Variants in MACROD2 observed in about 807,000 individuals in gnomAD.
MACROD2 encodes the protein ADP-ribose glycohydrolase MACROD2.
A neutral mutation model predicts 70.4 loss-of-function variants in MACROD2; 36 were observed. That is an observed-to-expected ratio of 0.51 (90% confidence interval 0.39 to 0.68). The LOEUF (loss-of-function observed/expected upper bound fraction) is 0.68, where lower values mean the gene tolerates loss of function less well. Ranked by LOEUF, MACROD2 falls within the 30% of genes least tolerant of loss-of-function variation. The probability of loss-of-function intolerance (pLI) is 0.00; values close to 1 mark genes in which losing one functional copy is unlikely to be tolerated. For synonymous variants in MACROD2, 172 were observed against 178.8 expected, an observed-to-expected ratio of 0.96 and a Z score of 0.30; for missense variants, 496 against 538.4, an observed-to-expected ratio of 0.92 and a Z score of 0.78.
chr20:15,253,950 C>A (rs1401552484), intron 6 of MACROD2, among the ~76,000 whole-genome samples: 1 of 152,118 alleles, frequency 6.6e-6, no homozygotes, highest in Non-Finnish European at 1.5e-5. Context: ...GTAACCTTAT[C>A]TTCAAATTTT....
chr20:14,550,947 G>A (rs1407408916), intron 4 of MACROD2, among the ~76,000 whole-genome samples: 1 of 151,798 alleles, frequency 6.6e-6, no homozygotes, highest in Non-Finnish European at 1.5e-5. Context: ...AATGAAGACA[G>A]TAACTAATTG....
chr20:15,559,347 A>C (rs949987068), intron 8 of MACROD2, among the ~76,000 whole-genome samples: 29 of 152,160 alleles, frequency 1.9e-4, no homozygotes, highest in Admixed American at 3.9e-4. Flanking sequence ...AAGAATAGTC[A>C]TGATTAAATC....
chr20:15,886,549 G>A (rs2064825052), intron 10 of MACROD2, among the ~76,000 whole-genome samples: 1 of 152,090 alleles, frequency 6.6e-6, no homozygotes, highest in Non-Finnish European at 1.5e-5. Flanking sequence ...GCCATCTTTG[G>A]AAAATACACT....
intron 7 of MACROD2, among the ~76,000 whole-genome samples, chr20:15,457,932 C>G (rs2046750369): frequency 1.4e-5 from 2 of 140,068 alleles, no homozygotes; most frequent in Non-Finnish European, 3.1e-5. Context: ...CAGGGTTGTT[C>G]TTTCTGCACC....
chr20:14,112,159 A>G (rs2054459188), intron 3 of MACROD2, among the ~76,000 whole-genome samples: 1 of 151,974 alleles, frequency 6.6e-6, no homozygotes. Flanking sequence ...TCAAAAAATC[A>G]AAACAATTGA....
At chr20:14,280,966 T>TA (rs1407907136) in intron 3 of MACROD2, among the ~76,000 whole-genome samples, 5 of 152,226 alleles carry the variant, frequency 3.3e-5, no homozygotes, top group African/African-American at 1.2e-4. Context: ...AGGAAACTTT[T>TA]ATACTTTAAA....
At chr20:15,771,180 G>GT (rs952599344) in intron 8 of MACROD2, among the ~76,000 whole-genome samples, 13 of 151,828 alleles carry the variant, frequency 8.6e-5, no homozygotes, top group Non-Finnish European at 1.8e-4. Context: ...TCTTGTGTTT[G>GT]TTTTTTTCTT....
chr20:14,395,300 G>C (rs1480655838), intron 3 of MACROD2, among the ~76,000 whole-genome samples: 3 of 151,994 alleles, frequency 2.0e-5, no homozygotes, highest in Non-Finnish European at 2.9e-5. Context: ...AGGGCTATTT[G>C]TATTTTTTGA....
intron 5 of MACROD2, among the ~76,000 whole-genome samples, chr20:14,986,563 A>G (rs2074850496): frequency 3.3e-5 from 5 of 152,198 alleles, no homozygotes; most frequent in Admixed American, 3.3e-4. Flanking sequence ...TAGGTAAATA[A>G]GCAGATCTGT....
Position 15,191,931 on chromosome 20 carries a change from T to TATATAG in MACROD2, c.419-38008_419-38007insTATAGA, listed in dbSNP as rs150210305. Among the ~76,000 whole-genome samples the TATATAG allele has an allele frequency of 3.0e-4, 43 of 142,374 alleles. 1 individual carries two copies. Among genetic ancestry groups the TATATAG allele is most frequent in the Non-Finnish European group, 3.7e-4 (24 of 65,538 alleles). The allele number at this position is 142,374 out of a possible 152,430, so 93.4% of individuals were successfully genotyped here. ...ACACATATGTGTATATATATATATA[T>TATATAG]AGAGAGAGAGAGAGTTAATACATAT... On this transcript the variant is annotated intron_variant, in intron 5 of 17. Transcript: ENST00000684519.
chr20:15,598,393 A>T (rs1277911631), intron 8 of MACROD2, among the ~76,000 whole-genome samples: 6 of 152,090 alleles, frequency 3.9e-5, no homozygotes. Flanking sequence ...ATGATGGGAG[A>T]CAAAATTAAG....
intron 6 of MACROD2, among the ~76,000 whole-genome samples, chr20:15,426,723 G>A (rs957477108): frequency 2.0e-5 from 3 of 152,044 alleles, no homozygotes; most frequent in Non-Finnish European, 4.4e-5. Context: ...GAATCTGGAG[G>A]CTCACAAATT....
chr20:15,976,624 T>G (rs1014404668), intron 13 of MACROD2, among the ~76,000 whole-genome samples: 1 of 152,228 alleles, frequency 6.6e-6, no homozygotes, highest in Non-Finnish European at 1.5e-5. Flanking sequence ...CTGGGTGCGG[T>G]GCAAGGCAGT....
At chr20:15,299,961 G>A (rs577316239) in intron 6 of MACROD2, among the ~76,000 whole-genome samples, 5 of 152,256 alleles carry the variant, frequency 3.3e-5, no homozygotes, top group African/African-American at 1.2e-4. Flanking sequence ...CTTTTCTTTG[G>A]ACAGGTCTTA....
intron 10 of MACROD2, among the ~76,000 whole-genome samples, chr20:15,904,475 T>C (rs942409636): frequency 1.3e-5 from 2 of 152,202 alleles, no homozygotes; most frequent in African/African-American, 4.8e-5. Flanking sequence ...ACTATGTTTC[T>C]CCCCATAAAA....
chr20:14,086,981 T>C (rs2054084151), intron 3 of MACROD2, among the ~76,000 whole-genome samples: 1 of 152,176 alleles, frequency 6.6e-6, no homozygotes. Context: ...GGAAAGTGCA[T>C]TGGCAGGTGA....
At chr20:15,024,764 A>C (rs1436002972) in intron 5 of MACROD2, among the ~76,000 whole-genome samples, 1 of 152,194 alleles carries the variant, frequency 6.6e-6, no homozygotes, top group African/African-American at 2.4e-5. Flanking sequence ...CTACTATTTA[A>C]TACAAGAATT....
At chr20:15,373,205 C>T (rs2045516883) in intron 6 of MACROD2, among the ~76,000 whole-genome samples, 1 of 152,142 alleles carries the variant, frequency 6.6e-6, no homozygotes, top group African/African-American at 2.4e-5. Context: ...TATAAATGTA[C>T]AACGCTATTT....
chr20:14,299,197 G>A (rs1464159430), intron 3 of MACROD2, among the ~76,000 whole-genome samples: 2 of 152,056 alleles, frequency 1.3e-5, no homozygotes, highest in Admixed American at 6.6e-5. Flanking sequence ...TTAAGAAATT[G>A]CCACAGCCAC....
Sources: gnomAD v4.1 joint callset for allele counts (sites outside exome capture counted in the v4.1 genomes callset) on GRCh38, gnomAD v4.1.1 for gene constraint, MANE v1.5 for transcripts, NCBI Gene and HGNC (gene_info 2026-07-23, HGNC 2026-07-21) for gene names.